PPIL2: variants seen among roughly 807,000 people sequenced by gnomAD.
PPIL2 encodes peptidylprolyl isomerase like 2.
In PPIL2, 50 loss-of-function variants were observed where a neutral mutation model predicts 75.2. The ratio of observed to expected loss-of-function variants is 0.66; its 90% CI spans 0.53 to 0.84. PPIL2 has a LOEUF of 0.84. PPIL2 is among the 40% of genes least tolerant of loss of function. The probability of loss-of-function intolerance (pLI) is 0.00; values close to 1 mark genes in which losing one functional copy is unlikely to be tolerated. For missense variants in PPIL2, 590 were observed against 685.0 expected (o/e 0.86, Z 1.55); for synonymous variants, 245 against 258.8 (o/e 0.95, Z 0.51).
downstream of PPIL2, chr22:21,698,364 G>C (rs1416452261): frequency 2.0e-5 from 3 of 151,472 alleles, no homozygotes; most frequent in African/African-American, 7.3e-5. Context: ...CAAATAGAAG[G>C]AGCAGCGAAC....
In PPIL2 at chr22:21,696,822, G is replaced by GTC. The variant is rs760922464; in HGVS notation, c.*1335_*1336dup. ...CTGAAGCTGCAGGCCTGAGCCCTTT[G>GTC]TCTCCCTGGATGCTGGGTGGCGCCT... On this transcript the variant is annotated 3_prime_UTR_variant, in exon 20 of 20. Coordinates refer to ENST00000398831, the MANE Select transcript of PPIL2 (RefSeq NM_014337.4). 2.2e-5 allele frequency: 34 copies of GTC among 1,557,386 alleles called. No individual in the cohort carries two copies. Among genetic ancestry groups the GTC allele is most frequent in the Non-Finnish European group, 2.8e-5 (32 of 1,151,178 alleles).
rs192248261 is a variant in PPIL2 at position 21,666,190 on chromosome 22, C to A, written c.32+59C>A. ...CTCTGCCTCAGTGAACCGCCTGTCC[C>A]GCACTGCGCGCCGCTCGCCTTCCCT... is the stretch of plus-strand genomic sequence containing the variant. On this transcript the variant is annotated intron_variant, in intron 1 of 19. Coordinates refer to ENST00000398831, the MANE Select transcript of PPIL2 (RefSeq NM_014337.4). 1.4e-4 allele frequency: 211 copies of A among 1,543,534 alleles called. No homozygotes were observed. In the East Asian group the frequency reaches 4.8e-3, roughly 35 times the overall value.
intron 11 of PPIL2, 87 bp from the exon 12 acceptor site, chr22:21,686,805 G>T: frequency 7.5e-7 from 1 of 1,326,860 alleles, no homozygotes. Flanking sequence ...CCTAGTCCCC[G>T]CCTGTGTGTC....
intron 15 of PPIL2, among the ~76,000 whole-genome samples, chr22:21,692,155 C>G (rs115936357): frequency 0.01 from 1,512 of 144,208 alleles, 21 homozygotes; most frequent in African/African-American, 0.037. Flanking sequence ...TCCTGACAGT[C>G]TTTTTTTTTT....
chr22:21,678,772 G>C (rs1180224666), intron 6 of PPIL2, among the ~76,000 whole-genome samples: 1 of 152,158 alleles, frequency 6.6e-6, no homozygotes, highest in African/African-American at 2.4e-5. Context: ...TGTTGCCCAG[G>C]CTGGAGTGTA....
chr22:21,688,031 G>A, intron 13 of PPIL2, 42 bp from the exon 14 acceptor site: 1 of 1,613,930 alleles, frequency 6.2e-7, no homozygotes, highest in Non-Finnish European at 8.5e-7. Flanking sequence ...GTGGGCCTCG[G>A]GTCTCAGAGT....
chr22:21,674,806 T>C (rs746578362), intron 5 of PPIL2, among the ~76,000 whole-genome samples: 6 of 152,252 alleles, frequency 3.9e-5, no homozygotes, highest in Non-Finnish European at 4.4e-5. Flanking sequence ...CACACCACCC[T>C]GTGGCCTGGT....
chr22:21,672,330 G>T lies in PPIL2; in HGVS notation c.192G>T (p.Leu64=). Residue 64 remains leucine (L), a splice_region_variant and synonymous_variant, in exon 5 of 20, where the codon CTG becomes CTT. Transcript: ENST00000398831. ...GCTTTCTGTTCTGTCTTCCCTTCAG[G>T]AACATTGTTCCATGGCTTAAGAAGT... ...CTPDGIVFDL[L]NIVPWLKKYG... is the part of the protein sequence containing the mutation. The T allele has an allele frequency of 1.2e-6, 2 of 1,611,548 alleles. No homozygotes were observed. Among genetic ancestry groups the T allele is most frequent in the South Asian group, 2.2e-5 (2 of 91,000 alleles).
chr22:21,689,126 G>A (rs1194356576), intron 15 of PPIL2, among the ~76,000 whole-genome samples: 2 of 152,252 alleles, frequency 1.3e-5, no homozygotes, highest in Non-Finnish European at 2.9e-5. Context: ...AGGCATTCGT[G>A]TGGGTGCCTG....
intron 10 of PPIL2, among the ~76,000 whole-genome samples, chr22:21,685,166 G>T (rs1028797017): frequency 2.0e-4 from 30 of 152,212 alleles, no homozygotes; most frequent in African/African-American, 7.2e-4. Flanking sequence ...AAGAACCAAG[G>T]GGTGTGTGGG....
intron 15 of PPIL2, among the ~76,000 whole-genome samples, chr22:21,689,260 C>T (rs1436836232): frequency 6.6e-6 from 1 of 152,162 alleles, no homozygotes; most frequent in Non-Finnish European, 1.5e-5. Context: ...GAGCAGTGTG[C>T]AGTCTGGTGG....
chr22:21,671,127 C>T (rs1382081202), intron 4 of PPIL2, 68 bp downstream of exon 4: 1 of 1,432,752 alleles, frequency 7.0e-7, no homozygotes, highest in Non-Finnish European at 9.9e-7. Context: ...GAAGGGGACC[C>T]TTGGTACCCT....
Position 21,697,800 on chromosome 22 carries a change from T to G in PPIL2, c.*2310T>G, listed in dbSNP as rs2067997075. On this transcript the variant is annotated 3_prime_UTR_variant, in exon 20 of 20. Transcript: ENST00000398831. ...TGGCAAATGAAGGTTTACATTTCTG[T>G]AGTTTGTTTGTTTTAGAGCTTAATT... The G allele has an allele frequency of 6.6e-6, 1 of 152,380 alleles. No individual in the cohort carries two copies. Among genetic ancestry groups the G allele is most frequent in the Non-Finnish European group, 1.5e-5 (1 of 68,042 alleles). The allele number at this position is 152,380 out of a possible 1,614,324, so 9.4% of individuals were successfully genotyped here.
At chr22:21,666,833 A>G (rs2066403539) in intron 1 of PPIL2, among the ~76,000 whole-genome samples, 1 of 151,892 alleles carries the variant, frequency 6.6e-6, no homozygotes, top group Admixed American at 6.6e-5. Context: ...AAATTTAAAA[A>G]TCCACCCGTG....
At chr22:21,692,186 C>T (rs924747027) in intron 15 of PPIL2, among the ~76,000 whole-genome samples, 58 of 150,978 alleles carry the variant, frequency 3.8e-4, no homozygotes, top group South Asian at 1.0e-3. Flanking sequence ...GACGGAGTCT[C>T]GCTCCGTCCC....
chr22:21,681,370 G>C lies in PPIL2; in HGVS notation c.367G>C (p.Gly123Arg). ...NTHIVAVRTT[G>R]NVYAYEAVEQ... ...CCACATCGTGGCTGTGAGGACGACC[G>C]GCAACGTCTACGCCTATGAGGTGTG... Residue 123 changes from glycine to arginine, a missense_variant, in exon 7 of 20, where the codon GGC becomes CGC. Coordinates refer to ENST00000398831, the MANE Select transcript of PPIL2 (RefSeq NM_014337.4). 1.2e-6 allele frequency: 2 copies of C among 1,613,878 alleles called. No individual in the cohort carries two copies. The highest frequency in any genetic ancestry group is 1.7e-6 in the Non-Finnish European group (2 of 1,179,760).
At chr22:21,677,634 C>T (rs1196866079) in intron 6 of PPIL2, among the ~76,000 whole-genome samples, 1 of 152,206 alleles carries the variant, frequency 6.6e-6, no homozygotes, top group African/African-American at 2.4e-5. Context: ...TGCAGTGAGC[C>T]GAGATGGCAG....
chr22:21,678,794 A>G (rs1189957126), intron 6 of PPIL2, among the ~76,000 whole-genome samples: 1 of 151,956 alleles, frequency 6.6e-6, no homozygotes, highest in East Asian at 1.9e-4. Flanking sequence ...TGGCATGATC[A>G]GAGCGCACTG....
intron 12 of PPIL2, 133 bp from the exon 13 acceptor site, chr22:21,687,510 G>A (rs1485637103): frequency 2.3e-5 from 14 of 619,142 alleles, no homozygotes; most frequent in East Asian, 5.8e-5. Flanking sequence ...CCAAGATCGC[G>A]CCACAGCACT....
Sources: allele counts gnomAD v4.1 joint callset (sites outside exome capture counted in the v4.1 genomes callset), GRCh38; gene constraint gnomAD v4.1.1; transcripts MANE v1.5; gene names NCBI Gene and HGNC (gene_info 2026-07-23, HGNC 2026-07-21).